Variants in PABIR3 observed in about 807,000 individuals in gnomAD.
The protein encoded by PABIR3 is PABIR family member 1.
In PABIR3, 20 loss-of-function variants were observed where a neutral mutation model predicts 23.1. The observed-to-expected ratio is 0.86, with a 90% CI of 0.61 to 1.26. PABIR3 has a LOEUF of 1.26. PABIR3 is among the 50% of genes most tolerant of loss of function. The pLI is 0.00. For missense variants in PABIR3, 189 were observed against 195.4 expected (o/e 0.97, Z 0.20); for synonymous variants, 69 against 68.5 (o/e 1.01, Z -0.04).
chrX:134,861,986 T>A, the PABIR3 span, among the ~76,000 whole-genome samples: 1 of 110,770 alleles, frequency 9.0e-6, no homozygotes. Context: ...TTAAAATAGA[T>A]TGCAGTACAT....
At chrX:134,853,225 G>A (rs1018611614) in intron 10 of PABIR3, among the ~76,000 whole-genome samples, 2 of 110,013 alleles carry the variant, frequency 1.8e-5, no homozygotes, top group East Asian at 2.9e-4. Flanking sequence ...GCACCACCGC[G>A]CCTGGCTAAT....
At chrX:134,822,725 G>T in intron 3 of PABIR3, 13 of 588,483 alleles carry the variant, frequency 2.2e-5, no homozygotes, top group Non-Finnish European at 2.7e-5. Flanking sequence ...TAAATGATAA[G>T]AACTTATGAA....
the PABIR3 span, among the ~76,000 whole-genome samples, chrX:134,860,303 G>A: frequency 9.0e-6 from 1 of 111,337 alleles, no homozygotes; most frequent in African/African-American, 3.3e-5. Flanking sequence ...TAGCTAGGCT[G>A]GTTTCAAACT....
At chrX:134,819,204 G>A (rs1010397253) in intron 3 of PABIR3, among the ~76,000 whole-genome samples, 1 of 110,309 alleles carries the variant, frequency 9.1e-6, no homozygotes, top group Non-Finnish European at 1.9e-5. Context: ...CAAAGTACTG[G>A]GATTACAGGC....
chrX:134,843,725 G>A (rs1183273021), intron 4 of PABIR3, among the ~76,000 whole-genome samples: 5 of 106,746 alleles, frequency 4.7e-5, no homozygotes, highest in African/African-American at 1.7e-4. Flanking sequence ...CTGCCACCAC[G>A]CCCAACTAAT....
Position 134,827,143 on chromosome X carries a change from G to C in PABIR3, c.190-2083G>C, listed in dbSNP as rs762558700. On this transcript the variant is annotated intron_variant, in intron 3 of 10. Transcript: ENST00000645433. Reference sequence around the variant, plus strand: ...GCCTGGCTAATTTTTGTATTTTTAGGAGAGACAGGGTTTCACTATGTTGGC... The same window carrying C: ...GCCTGGCTAATTTTTGTATTTTTAGCAGAGACAGGGTTTCACTATGTTGGC... Among the ~76,000 whole-genome samples the C allele has an allele frequency of 5.3e-4, 58 of 110,205 alleles. 1 individual carries two copies. The highest frequency in any genetic ancestry group is 1.0e-3 in the Non-Finnish European group (53 of 52,747).
chrX:134,825,192 A>G lies in PABIR3; in HGVS notation c.190-4034A>G, dbSNP rs2081452273. ...TAAATAAATGAAAGTTCAAATAGGA[A>G]AAGACTGGAAACTGCTGGGTAACAG... On this transcript the variant is annotated intron_variant, in intron 3 of 10. Transcript: ENST00000645433. Among the ~76,000 whole-genome samples the G allele has an allele frequency of 1.8e-5, 2 of 112,407 alleles. 1 individual carries two copies. The highest frequency in any genetic ancestry group is 1.9e-4 in the Admixed American group (2 of 10,581).
At chrX:134,811,414 T>C (rs76657918) in intron 2 of PABIR3, among the ~76,000 whole-genome samples, 1 of 108,519 alleles carries the variant, frequency 9.2e-6, no homozygotes, top group African/African-American at 3.4e-5. Flanking sequence ...TTTTTTTTTT[T>C]CCTGAGATGG....
intron 6 of PABIR3, among the ~76,000 whole-genome samples, chrX:134,846,970 T>C (rs2082456208): frequency 8.9e-6 from 1 of 112,393 alleles, no homozygotes; most frequent in South Asian, 3.6e-4. Context: ...TCCATAAATG[T>C]AGTTATTCCT....
the PABIR3 span, among the ~76,000 whole-genome samples, chrX:134,864,280 C>G: frequency 9.0e-6 from 1 of 111,158 alleles, no homozygotes; most frequent in African/African-American, 3.3e-5. Context: ...CTGCCTTACC[C>G]TCCCAAAGTG....
intron 3 of PABIR3, among the ~76,000 whole-genome samples, chrX:134,828,047 C>CTATATATATA (rs61129426): frequency 4.7e-4 from 23 of 49,395 alleles, no homozygotes; most frequent in Admixed American, 7.2e-4. Flanking sequence ...CTCTCTCTCT[C>CTATATATATA]TATATATATA....
Position 134,849,245 on chromosome X carries a change from G to A in PABIR3, c.589+17G>A. On this transcript the variant is annotated intron_variant, in intron 9 of 10. Coordinates refer to ENST00000645433, the MANE Select transcript of PABIR3 (RefSeq NM_001388447.1). Reference sequence around the variant, plus strand: ...AAAGAAAAGGTACTTTTATCTAACAGTAGAAGTAAATATAACTTTAAGTTA... The same window carrying A: ...AAAGAAAAGGTACTTTTATCTAACAATAGAAGTAAATATAACTTTAAGTTA... The A allele has an allele frequency of 1.3e-6, 1 of 743,078 alleles. No homozygotes were observed. The highest frequency in any genetic ancestry group is 1.7e-6 in the Non-Finnish European group (1 of 571,535). The allele number at this position is 743,078 out of a possible 1,213,427, so 61.2% of individuals were successfully genotyped here.
At chrX:134,827,926 T>C (rs2081574182) in intron 3 of PABIR3, among the ~76,000 whole-genome samples, 1 of 108,992 alleles carries the variant, frequency 9.2e-6, no homozygotes, top group Admixed American at 1.0e-4. Context: ...TGACCTAGTT[T>C]CTGCTAACTA....
Position 134,849,149 on chromosome X carries a change from A to G in PABIR3, c.528-18A>G. 1.1e-6 allele frequency: 1 copy of G among 907,179 alleles called. No homozygotes were observed. 74.8% of individuals were successfully genotyped at this position (907,179 alleles called of 1,213,427 possible). The stretch of plus-strand genomic sequence containing the variant: ...TTAAAAAAAATTTCTTATAATGATC[A>G]TGATGATTTTATTTTAGAAGAAGTC... On this transcript the variant is annotated intron_variant, in intron 8 of 10. Transcript: ENST00000645433.
At position 134,847,920 on chromosome X, in the gene PABIR3, G is replaced by T. The variant is rs915854321; in HGVS notation, c.476G>T (p.Cys159Phe). Residue 159 changes from cysteine (C) to phenylalanine (F), a missense_variant, in exon 8 of 11, where the codon TGC becomes TTC. Coordinates refer to ENST00000645433, the MANE Select transcript of PABIR3 (RefSeq NM_001388447.1). ...CCATCATTACAAACTTGTGTGAGTT[G>T]CACTGGTTCGCCTTCAAGTCCTATT... The part of the protein sequence containing the change: ...FSPSLQTCVS[C>F]TGSPSSPIPS... 74 of 1,153,247 alleles carry T rather than the reference G, an allele frequency of 6.4e-5. No homozygotes were observed. The African/African-American group carries it at 1.1e-3, about 17-fold the overall frequency.
intron 4 of PABIR3, among the ~76,000 whole-genome samples, chrX:134,841,313 C>G (rs944615891): frequency 1.8e-5 from 2 of 110,777 alleles, no homozygotes; most frequent in African/African-American, 6.6e-5. Context: ...TATGGACTAC[C>G]CCAAACATGT....
chrX:134,837,769 G>C (rs1248886082), intron 4 of PABIR3, among the ~76,000 whole-genome samples: 1 of 112,209 alleles, frequency 8.9e-6, no homozygotes, highest in Admixed American at 9.5e-5. Flanking sequence ...CCAACTTTCA[G>C]TGGGAGGAAT....
intron 4 of PABIR3, chrX:134,838,671 C>T (rs1371401876): frequency 2.4e-4 from 5 of 20,889 alleles, no homozygotes; most frequent in African/African-American, 8.5e-4. Context: ...CCCCCTCCCC[C>T]CCTCCCCCCT....
chrX:134,852,714 G>T, intron 9 of PABIR3, 86 bp from the exon 10 acceptor site: 1 of 473,353 alleles, frequency 2.1e-6, no homozygotes, highest in Non-Finnish European at 3.2e-6. Flanking sequence ...TAAATTAATT[G>T]CAGTGAATAA....
Sources: allele counts gnomAD v4.1 joint callset (sites outside exome capture counted in the v4.1 genomes callset), GRCh38; gene constraint gnomAD v4.1.1; transcripts MANE v1.5; gene names NCBI Gene and HGNC (gene_info 2026-07-23, HGNC 2026-07-21).